Variants in YPEL5 observed in about 807,000 individuals in gnomAD.
The protein encoded by YPEL5 is protein yippee-like 5.
YPEL5 carries 1 observed loss-of-function variant against 10.5 expected under a neutral mutation model. That is an observed-to-expected ratio of 0.10 (90% CI 0.03 to 0.45). The LOEUF is 0.45. YPEL5 is among the 20% of genes least tolerant of loss of function. YPEL5 has a pLI of 0.97. For missense variants in YPEL5, 68 were observed against 159.3 expected (o/e 0.43, Z 3.09); for synonymous variants, 61 against 56.6 (o/e 1.08, Z -0.35).
At position 30,159,156 on chromosome 2, in the gene YPEL5, G is replaced by C. The variant is rs999734829; in HGVS notation, c.*313G>C. On this transcript the variant is annotated 3_prime_UTR_variant, in exon 3 of 3. Coordinates refer to ENST00000261353, the MANE Select transcript of YPEL5 (RefSeq NM_016061.3). ...GTAAGGAAAAAAATCTGGGCTGTTAGAGTGAAAAAGTGTGTTTTATGTCAA... is the reference window on the plus strand; with the variant it reads ...GTAAGGAAAAAAATCTGGGCTGTTACAGTGAAAAAGTGTGTTTTATGTCAA... The C allele has an allele frequency of 3.8e-6, 1 of 262,472 alleles. No homozygotes were observed. Among genetic ancestry groups the C allele is most frequent in the Admixed American group, 5.0e-5 (1 of 20,148 alleles). The allele number at this position is 262,472 out of a possible 1,614,324, so 16.3% of individuals were successfully genotyped here. A position where few individuals can be genotyped will look rare whatever the true frequency, so the allele number is the denominator to read the frequency against.
intron 1 of YPEL5, among the ~76,000 whole-genome samples, chr2:30,152,054 C>G (rs1572752590): frequency 6.6e-6 from 1 of 152,102 alleles, no homozygotes; most frequent in Non-Finnish European, 1.5e-5. Flanking sequence ...CATTCTAAAG[C>G]CAATTGGTGG....
At chr2:30,156,485 C>T in intron 1 of YPEL5, 143 bp from the exon 2 acceptor site, 1 of 729,448 alleles carries the variant, frequency 1.4e-6, no homozygotes, top group African/African-American at 1.8e-5. Flanking sequence ...TCTTTTTGTT[C>T]AGGATCAGCT....
At chr2:30,152,377 G>A (rs1371329009) in intron 1 of YPEL5, among the ~76,000 whole-genome samples, 1 of 152,174 alleles carries the variant, frequency 6.6e-6, no homozygotes, top group Non-Finnish European at 1.5e-5. Flanking sequence ...AGTTTTATCC[G>A]GATGTGAGGA....
At chr2:30,153,011 C>T (rs1291546794) in intron 1 of YPEL5, among the ~76,000 whole-genome samples, 1 of 151,988 alleles carries the variant, frequency 6.6e-6, no homozygotes. Flanking sequence ...TGCCTTTCTC[C>T]TGCCTCAGCC....
intron 1 of YPEL5, chr2:30,156,299 C>T: frequency 4.5e-6 from 1 of 220,994 alleles, no homozygotes; most frequent in Non-Finnish European, 9.1e-6. Context: ...TCTGCCAGTG[C>T]TTTACATCAT....
rs1268571584 is a variant in YPEL5 at position 30,159,062 on chromosome 2, C to T, written c.*219C>T. ...TGTAGAGAGAATATTATGCAGATGC[C>T]GTTAATTTTTTACCCTATGTTTACA... On this transcript the variant is annotated 3_prime_UTR_variant, in exon 3 of 3. Coordinates refer to ENST00000261353, the MANE Select transcript of YPEL5 (RefSeq NM_016061.3). 23 of 540,532 alleles carry T rather than the reference C, an allele frequency of 4.3e-5. No individual in the cohort carries two copies. Among genetic ancestry groups the T allele is most frequent in the African/African-American group, 5.7e-5 (3 of 52,490 alleles). 33.5% of individuals were successfully genotyped at this position (540,532 alleles called of 1,614,324 possible). A position where few individuals can be genotyped will look rare whatever the true frequency, so the allele number is the denominator to read the frequency against.
chr2:30,148,579 C>G (rs1369053200), intron 1 of YPEL5: 2 of 152,152 alleles, frequency 1.3e-5, no homozygotes, highest in African/African-American at 4.8e-5. Context: ...AATAGTTTCT[C>G]TAGAAGCTTA....
At chr2:30,156,285 C>T (rs1272739366) in intron 1 of YPEL5, 1 of 192,492 alleles carries the variant, frequency 5.2e-6, no homozygotes, top group African/African-American at 2.3e-5. Flanking sequence ...TTTTTTCTCA[C>T]CTCTCTGCCA....
intron 1 of YPEL5, among the ~76,000 whole-genome samples, chr2:30,152,555 A>G (rs759300610): frequency 6.6e-6 from 1 of 152,256 alleles, no homozygotes; most frequent in Non-Finnish European, 1.5e-5. Flanking sequence ...CAGGAGGAAC[A>G]GCATGGAAGC....
chr2:30,158,814 G>C lies in YPEL5; in HGVS notation c.337G>C (p.Glu113Gln). The change falls in exon 3 of 3, where the codon GAG (glutamate) becomes CAG (glutamine). Residue 113 changes from glutamate (E) to glutamine (Q), a missense_variant. Coordinates refer to ENST00000261353, the MANE Select transcript of YPEL5 (RefSeq NM_016061.3). ...RALVRESEGF[E>Q]EHVPSDNS is the part of the protein sequence containing the mutation. ...TCTAGTTCGAGAGAGTGAGGGCTTT[G>C]AGGAGCATGTACCATCTGATAACTC... The C allele has an allele frequency of 6.2e-7, 1 of 1,614,190 alleles. No homozygotes were observed. The highest frequency in any genetic ancestry group is 8.5e-7 in the Non-Finnish European group (1 of 1,180,024).
In YPEL5 at chr2:30,149,879, G is replaced by T. The variant is rs576153329; in HGVS notation, c.-25+2817G>T. On this transcript the variant is annotated intron_variant, in intron 1 of 2. Transcript: ENST00000261353. ...GTATTCTATGGAAATGCCCTGAGGC[G>T]ATGGTTTCATTTACTAAGGAAAAGT... is the stretch of plus-strand genomic sequence containing the variant. 7.2e-5 allele frequency among the ~76,000 whole-genome samples: 11 copies of T among 152,346 alleles called. No homozygotes were observed. In the East Asian group the frequency reaches 1.3e-3, roughly 19 times the overall value.
At chr2:30,153,134 G>C (rs758012138) in intron 1 of YPEL5, among the ~76,000 whole-genome samples, 18 of 152,020 alleles carry the variant, frequency 1.2e-4, no homozygotes, top group African/African-American at 2.9e-4. Flanking sequence ...ATCTCCTGAC[G>C]TCGTGATCCG....
intron 1 of YPEL5, chr2:30,147,675 GC>G (rs1453613935): frequency 1.3e-5 from 2 of 152,142 alleles, no homozygotes; most frequent in Non-Finnish European, 2.9e-5. Flanking sequence ...GTCTCCCTTT[GC>G]CCCCTCCCCC....
intron 1 of YPEL5, among the ~76,000 whole-genome samples, chr2:30,153,311 G>GC (rs762153369): frequency 2.0e-5 from 3 of 152,184 alleles, no homozygotes; most frequent in Non-Finnish European, 4.4e-5. Flanking sequence ...AGTTCTAGAG[G>GC]CCAGGAAGTC....
In YPEL5 at chr2:30,154,186, A is replaced by G. The variant is rs768554971; in HGVS notation, c.-24-2442A>G. Among the ~76,000 whole-genome samples the G allele has an allele frequency of 3.3e-4, 50 of 152,218 alleles. 1 individual carries two copies. Among genetic ancestry groups the G allele is most frequent in the Admixed American group, 1.0e-3 (16 of 15,278 alleles). On this transcript the variant is annotated intron_variant, in intron 1 of 2. Transcript: ENST00000261353. ...GGAGGTTACAAATGACTGCACAAAT[A>G]CTAGTCTTCAAAGACATACAGAATC...
intron 1 of YPEL5, chr2:30,148,214 T>A (rs1675600337): frequency 6.6e-6 from 1 of 152,232 alleles, no homozygotes; most frequent in African/African-American, 2.4e-5. Flanking sequence ...GCTGTACAGC[T>A]CATTTATTTT....
intron 1 of YPEL5, among the ~76,000 whole-genome samples, chr2:30,149,356 C>T (rs1048439603): frequency 6.6e-6 from 1 of 152,164 alleles, no homozygotes; most frequent in Non-Finnish European, 1.5e-5. Context: ...TTTGACACAG[C>T]AAAGTAAACT....
chr2:30,155,842 T>G (rs887554847), intron 1 of YPEL5: 4 of 152,282 alleles, frequency 2.6e-5, no homozygotes, highest in African/African-American at 9.6e-5. Flanking sequence ...CTGTTCTCAT[T>G]GCTTTAGCCT....
At chr2:30,149,506 C>T (rs1405128476) in intron 1 of YPEL5, among the ~76,000 whole-genome samples, 1 of 152,166 alleles carries the variant, frequency 6.6e-6, no homozygotes, top group Admixed American at 6.5e-5. Context: ...AGCGTTTAGT[C>T]ACAACTCAGT....
Sources: gnomAD v4.1 joint callset for allele counts (sites outside exome capture counted in the v4.1 genomes callset) on GRCh38, gnomAD v4.1.1 for gene constraint, MANE v1.5 for transcripts, NCBI Gene and HGNC (gene_info 2026-07-23, HGNC 2026-07-21) for gene names.